Variants in FARP1 observed in about 807,000 individuals in gnomAD.
FARP1 encodes FERM, ARH/RhoGEF and pleckstrin domain protein 1, also known as FERM, ARHGEF and pleckstrin domain-containing protein 1.
FARP1 carries 52 observed loss-of-function variants against 128.8 expected under a neutral mutation model. The ratio of observed to expected loss-of-function variants is 0.40; its 90% confidence interval spans 0.32 to 0.51. The LOEUF is 0.51. Ranked by LOEUF, FARP1 falls within the 20% of genes least tolerant of loss-of-function variation. The pLI is 0.45. For missense variants in FARP1, 1,333 were observed against 1,367.9 expected (o/e 0.97, Z 0.40); for synonymous variants, 580 against 551.8 (o/e 1.05, Z -0.72).
chr13:98,311,967 T>C (rs1886480556), intron 2 of FARP1, among the ~76,000 whole-genome samples: 1 of 145,280 alleles, frequency 6.9e-6, no homozygotes, highest in Non-Finnish European at 1.5e-5. Context: ...CCTCAGCCTC[T>C]GGAGTAGCTG....
intron 2 of FARP1, among the ~76,000 whole-genome samples, chr13:98,252,401 T>C (rs911346948): frequency 2.0e-5 from 3 of 152,198 alleles, no homozygotes; most frequent in South Asian, 2.1e-4. Context: ...GTAGGTTCAA[T>C]AGAACGTTCA....
At chr13:98,259,703 T>C (rs1182931773) in intron 2 of FARP1, among the ~76,000 whole-genome samples, 1 of 152,174 alleles carries the variant, frequency 6.6e-6, no homozygotes, top group Non-Finnish European at 1.5e-5. Context: ...CCAAGATGGT[T>C]GCTTGGAGCT....
At chr13:98,197,867 C>T (rs1356120587) in intron 1 of FARP1, among the ~76,000 whole-genome samples, 1 of 151,942 alleles carries the variant, frequency 6.6e-6, no homozygotes, top group Non-Finnish European at 1.5e-5. Context: ...GATCTCCTGA[C>T]CTCGTGATCC....
intron 2 of FARP1, among the ~76,000 whole-genome samples, chr13:98,228,790 G>A (rs1881941781): frequency 6.6e-6 from 1 of 152,054 alleles, no homozygotes; most frequent in African/African-American, 2.4e-5. Flanking sequence ...TGCATGATTT[G>A]CTTGGTTTCT....
chr13:98,340,155 A>G (rs1378513834), intron 2 of FARP1, among the ~76,000 whole-genome samples: 1 of 151,888 alleles, frequency 6.6e-6, no homozygotes, highest in African/African-American at 2.4e-5. Flanking sequence ...GTAAATCTAG[A>G]TGAAGTTATC....
At chr13:98,292,872 GT>G (rs1885512378) in intron 2 of FARP1, among the ~76,000 whole-genome samples, 2 of 152,150 alleles carry the variant, frequency 1.3e-5, no homozygotes, top group African/African-American at 4.8e-5. Context: ...GGTAACTCTG[GT>G]CTAGGACAGT....
chr13:98,166,027 C>G (rs1156426215), intron 1 of FARP1, among the ~76,000 whole-genome samples: 1 of 151,974 alleles, frequency 6.6e-6, no homozygotes, highest in African/African-American at 2.4e-5. Flanking sequence ...GCCCAGAAGT[C>G]TTTTATGCAT....
intron 2 of FARP1, among the ~76,000 whole-genome samples, chr13:98,267,520 G>A (rs1422114592): frequency 6.6e-6 from 1 of 152,170 alleles, no homozygotes; most frequent in East Asian, 1.9e-4. Flanking sequence ...TGGACTCTCG[G>A]CCTATGGAGG....
rs527761664 is a variant in FARP1, at chr13:98,248,449, A to G, written c.171+35036A>G. On this transcript the variant is annotated intron_variant, in intron 2 of 26. Coordinates refer to ENST00000319562, the MANE Select transcript of FARP1 (RefSeq NM_005766.4). ...ATACAGTATCCTTTTATAGGATGGG[A>G]TAGTGTCAGGAAACAAAATGTCTCA... is the stretch of plus-strand genomic sequence containing the variant. Among the ~76,000 whole-genome samples, 17 of 152,286 alleles carry G rather than the reference A, an allele frequency of 1.1e-4. No homozygotes were observed. In the East Asian group the frequency reaches 1.5e-3, roughly 14 times the overall value.
chr13:98,285,258 C>T (rs941058389), intron 2 of FARP1, among the ~76,000 whole-genome samples: 1 of 152,020 alleles, frequency 6.6e-6, no homozygotes, highest in Non-Finnish European at 1.5e-5. Context: ...GGAATCCCTC[C>T]CCACCCCCCA....
At chr13:98,218,971 G>A (rs1881261600) in intron 2 of FARP1, among the ~76,000 whole-genome samples, 1 of 152,168 alleles carries the variant, frequency 6.6e-6, no homozygotes, top group South Asian at 2.1e-4. Context: ...CTATCTTGGA[G>A]ACCTAATTAG....
At chr13:98,157,380 G>A (rs1876568097) in intron 1 of FARP1, among the ~76,000 whole-genome samples, 1 of 151,026 alleles carries the variant, frequency 6.6e-6, no homozygotes, top group Admixed American at 6.6e-5. Flanking sequence ...GCCTTCCTCT[G>A]TCACATCTTC....
intron 2 of FARP1, among the ~76,000 whole-genome samples, chr13:98,336,672 G>C (rs1485704724): frequency 6.6e-6 from 1 of 152,146 alleles, no homozygotes; most frequent in African/African-American, 2.4e-5. Context: ...AGTATTCAGT[G>C]CGTACTTGCC....
Position 98,205,411 on chromosome 13 carries a change from T to A in FARP1, c.-23-7809T>A, listed in dbSNP as rs1478773488. Among the ~76,000 whole-genome samples, 4 of 152,232 alleles carry A rather than the reference T, an allele frequency of 2.6e-5. No individual in the cohort carries two copies. The East Asian group carries it at 7.7e-4, about 29-fold the overall frequency. The stretch of plus-strand genomic sequence containing the variant: ...ATCTATCAGTTCTCTGTGTTTTTTT[T>A]AGACAGAGTCTCACTCTGTCACCCA... On this transcript the variant is annotated intron_variant, in intron 1 of 26. Transcript: ENST00000319562.
chr13:98,280,735 T>C (rs1884893950), intron 2 of FARP1, among the ~76,000 whole-genome samples: 1 of 152,258 alleles, frequency 6.6e-6, no homozygotes, highest in Non-Finnish European at 1.5e-5. Flanking sequence ...TCAACTTCTT[T>C]ACTGATCGTT....
At chr13:98,177,284 T>C (rs770735775) in intron 1 of FARP1, 1 of 1,455,258 alleles carries the variant, frequency 6.9e-7, no homozygotes. Context: ...CACCCTTGCG[T>C]CGCCCTTGCG....
chr13:98,411,967 A>G lies in FARP1; in HGVS notation c.1759A>G (p.Asn587Asp). The change falls in exon 16 of 27, where the codon AAT (asparagine) becomes GAT (aspartate). Residue 587 changes from asparagine to aspartate, a missense_variant. Asn to Asp is a conservative substitution (Grantham distance 23, BLOSUM62 1). This residue lies in a region of FARP1 where 1,009 missense variants were observed against 969.8 expected (regional missense o/e 1.04). Coordinates refer to ENST00000319562, the MANE Select transcript of FARP1 (RefSeq NM_005766.4). ...PEALKSLIFPNFEPLHKFHTN... is the reference protein window; with the variant it reads ...PEALKSLIFPDFEPLHKFHTN... ...AGCACTGAAAAGTCTCATATTCCCG[A>G]ATTTTGAACCTTTGCACAAATTTCA... 6.2e-7 allele frequency: 1 copy of G among 1,614,064 alleles called. No homozygotes were observed. The highest frequency in any genetic ancestry group is 8.5e-7 in the Non-Finnish European group (1 of 1,179,936).
In FARP1 at chr13:98,376,733, G is replaced by A. The variant is rs188247870; in HGVS notation, c.399-1088G>A. ...CGTGGTTGTACTAATTTACATTCCC[G>A]CCGATAGTACTTGAGGGTTTTTTGT... On this transcript the variant is annotated intron_variant, in intron 5 of 26. Transcript: ENST00000319562. 6.3e-3 allele frequency among the ~76,000 whole-genome samples: 933 copies of A among 147,674 alleles called. 3 individuals are homozygous for A. Among genetic ancestry groups the A allele is most frequent in the Non-Finnish European group, 0.01 (688 of 67,394 alleles).
chr13:98,308,674 G>T (rs1472453984), intron 2 of FARP1, among the ~76,000 whole-genome samples: 1 of 152,092 alleles, frequency 6.6e-6, no homozygotes, highest in Non-Finnish European at 1.5e-5. Flanking sequence ...TTTATTTTTT[G>T]TTTGTTTGTT....
Sources: allele counts gnomAD v4.1 joint callset (sites outside exome capture counted in the v4.1 genomes callset), GRCh38; gene constraint gnomAD v4.1.1; regional missense constraint gnomAD v4.1.1; transcripts MANE v1.5; gene names NCBI Gene and HGNC (gene_info 2026-07-23, HGNC 2026-07-21).